The following ADAMTSL1 variants were observed in gnomAD, a reference collection of about 807,000 sequenced individuals.
ADAMTSL1 encodes the protein ADAMTS like 1, also known as ADAMTS-like protein 1.
Under a neutral mutation model 201.8 loss-of-function variants are expected in ADAMTSL1, and 126 were observed. The ratio of observed to expected loss-of-function variants is 0.62; its 90% CI spans 0.54 to 0.72. ADAMTSL1 has a LOEUF of 0.72. Ranked by LOEUF, ADAMTSL1 falls within the 30% of genes least tolerant of loss-of-function variation. The pLI is 0.00. For missense variants in ADAMTSL1, 2,679 were observed against 2,277.8 expected (o/e 1.18, Z -3.59); for synonymous variants, 1,121 against 903.4 (o/e 1.24, Z -4.32).
chr9:18,115,716 G>C (rs1825221613), intron 1 of ADAMTSL1, among the ~76,000 whole-genome samples: 1 of 152,180 alleles, frequency 6.6e-6, no homozygotes, highest in African/African-American at 2.4e-5. Context: ...GGCATAGAGA[G>C]GTTGTTCATG....
At chr9:18,789,745 G>C (rs530984547) in intron 19 of ADAMTSL1, among the ~76,000 whole-genome samples, 1 of 152,298 alleles carries the variant, frequency 6.6e-6, no homozygotes, top group South Asian at 2.1e-4. Flanking sequence ...TGTTCTTAAG[G>C]GAGGGGGAGG....
At chr9:18,342,786 A>G (rs745645055) in intron 2 of ADAMTSL1, among the ~76,000 whole-genome samples, 2 of 152,148 alleles carry the variant, frequency 1.3e-5, no homozygotes, top group Non-Finnish European at 2.9e-5. Flanking sequence ...AATATTTAAC[A>G]TCTTCTCAAG....
In ADAMTSL1 at chr9:18,185,790, A is replaced by G. The variant is rs574544594; in HGVS notation, c.207+21809A>G. 2.8e-4 allele frequency among the ~76,000 whole-genome samples: 42 copies of G among 152,336 alleles called. 1 individual carries two copies. Among genetic ancestry groups the G allele is most frequent in the South Asian group, 1.0e-3 (5 of 4,828 alleles). ...TGTGCATAATTATGACTCCAAGTTT[A>G]CAAGCATTGGTTATGTCATGTAAAA... is the stretch of plus-strand genomic sequence containing the variant. On this transcript the variant is annotated intron_variant, in intron 2 of 29. Coordinates refer to the ADAMTSL1 transcript ENST00000680146.
chr9:18,901,046 ATGAT>A (rs1034982507), intron 26 of ADAMTSL1, among the ~76,000 whole-genome samples: 3 of 152,014 alleles, frequency 2.0e-5, no homozygotes, highest in African/African-American at 7.3e-5. Flanking sequence ...GCCTTCCTCT[ATGAT>A]TGTAAGCTTC....
At chr9:18,871,290 C>CT (rs1468369165) in intron 23 of ADAMTSL1, among the ~76,000 whole-genome samples, 1 of 152,196 alleles carries the variant, frequency 6.6e-6, no homozygotes, top group African/African-American at 2.4e-5. Flanking sequence ...TTATTAGCCA[C>CT]TTATTTGCCA....
chr9:18,307,310 C>T (rs1259937126), intron 2 of ADAMTSL1, among the ~76,000 whole-genome samples: 1 of 152,072 alleles, frequency 6.6e-6, no homozygotes, highest in African/African-American at 2.4e-5. Flanking sequence ...TAACCAGCTA[C>T]CATCATAATG....
chr9:18,857,383 G>A (rs933886906), intron 23 of ADAMTSL1, among the ~76,000 whole-genome samples: 7 of 152,070 alleles, frequency 4.6e-5, no homozygotes, highest in African/African-American at 1.2e-4. Flanking sequence ...ACAGTTCCTC[G>A]GGCTTCCCTC....
intron 1 of ADAMTSL1, among the ~76,000 whole-genome samples, chr9:18,107,474 T>C (rs1824808715): frequency 6.6e-6 from 1 of 152,144 alleles, no homozygotes; most frequent in Non-Finnish European, 1.5e-5. Context: ...ATGAGAGAAG[T>C]ATTTTGTTGT....
chr9:18,671,489 C>G (rs1829807374), intron 9 of ADAMTSL1, among the ~76,000 whole-genome samples: 1 of 152,102 alleles, frequency 6.6e-6, no homozygotes, highest in Admixed American at 6.5e-5. Flanking sequence ...ACTGGAAGAA[C>G]TGAGTGGTGA....
At chr9:17,975,720 A>C (rs113122631) in intron 1 of ADAMTSL1, among the ~76,000 whole-genome samples, 1 of 152,028 alleles carries the variant, frequency 6.6e-6, no homozygotes, top group African/African-American at 2.4e-5. Context: ...GAAATTTTTT[A>C]GTTTGACATA....
At chr9:17,933,811 T>C (rs1207199347) in intron 1 of ADAMTSL1, among the ~76,000 whole-genome samples, 3 of 152,080 alleles carry the variant, frequency 2.0e-5, no homozygotes, top group African/African-American at 7.2e-5. Context: ...ACCCTCATGA[T>C]CCAGTCGCCT....
chr9:18,274,179 G>T lies in ADAMTSL1; in HGVS notation c.207+110198G>T, dbSNP rs1176477714. The stretch of plus-strand genomic sequence containing the variant: ...GCAGTTTAGTCTGATTATTCCAGGT[G>T]TGTCATGGGAAGAAAGCTCGAATCT... On this transcript the variant is annotated intron_variant, in intron 2 of 29. Transcript: ENST00000680146. Among the ~76,000 whole-genome samples, 4 of 152,212 alleles carry T rather than the reference G, an allele frequency of 2.6e-5. No homozygotes were observed. The East Asian group carries it at 7.7e-4, about 29-fold the overall frequency.
intron 2 of ADAMTSL1, among the ~76,000 whole-genome samples, chr9:18,215,293 C>G (rs998221260): frequency 1.3e-5 from 2 of 152,052 alleles, no homozygotes; most frequent in Non-Finnish European, 1.5e-5. Flanking sequence ...TGAAAATAAT[C>G]TAACAACTAT....
At chr9:18,068,923 A>G (rs1017777209) in intron 1 of ADAMTSL1, among the ~76,000 whole-genome samples, 1 of 152,198 alleles carries the variant, frequency 6.6e-6, no homozygotes, top group African/African-American at 2.4e-5. Flanking sequence ...TGGCCTTGTA[A>G]GTCAGGAGAG....
intron 1 of ADAMTSL1, among the ~76,000 whole-genome samples, chr9:18,100,698 A>G (rs979494041): frequency 1.3e-5 from 2 of 151,838 alleles, no homozygotes; most frequent in Non-Finnish European, 2.9e-5. Flanking sequence ...TCCCTGACCT[A>G]GACAGGAGGC....
chr9:18,059,406 G>A (rs902566647), intron 1 of ADAMTSL1, among the ~76,000 whole-genome samples: 1 of 152,112 alleles, frequency 6.6e-6, no homozygotes, highest in Non-Finnish European at 1.5e-5. Context: ...TGAAATATTG[G>A]AATGTGTATA....
At chr9:18,362,633 C>A (rs1478184135) in intron 2 of ADAMTSL1, among the ~76,000 whole-genome samples, 2 of 152,176 alleles carry the variant, frequency 1.3e-5, no homozygotes, top group Non-Finnish European at 2.9e-5. Flanking sequence ...GACCGTGAAG[C>A]ACCATCAAAT....
At chr9:18,775,060 T>TA (rs1409386719) in intron 17 of ADAMTSL1, among the ~76,000 whole-genome samples, 1 of 127,872 alleles carries the variant, frequency 7.8e-6, no homozygotes, top group African/African-American at 2.5e-5. Context: ...CTTTTTTTTT[T>TA]ATTATTATTA....
At chr9:17,931,295 T>C (rs568036382) in intron 1 of ADAMTSL1, among the ~76,000 whole-genome samples, 2 of 152,300 alleles carry the variant, frequency 1.3e-5, no homozygotes, top group East Asian at 3.9e-4. Flanking sequence ...GTGGCCTCTC[T>C]CTTAACTCCG....
Sources: gnomAD v4.1 joint callset for allele counts (sites outside exome capture counted in the v4.1 genomes callset) on GRCh38, gnomAD v4.1.1 for gene constraint, MANE v1.5 for transcripts, NCBI Gene and HGNC (gene_info 2026-07-23, HGNC 2026-07-21) for gene names.